ANKS6: variants seen among roughly 807,000 people sequenced by gnomAD.
The protein encoded by ANKS6 is ankyrin repeat and SAM domain-containing protein 6.
In ANKS6, 47 loss-of-function variants were observed where a neutral mutation model predicts 77.9. The ratio of observed to expected loss-of-function variants is 0.60; its 90% CI spans 0.48 to 0.77. The LOEUF (loss-of-function observed/expected upper bound fraction) is 0.77. ANKS6 is among the 30% of genes least tolerant of loss of function. The pLI, the probability that ANKS6 is intolerant of heterozygous loss-of-function variation, is 0.00. For missense variants in ANKS6, 1,150 were observed against 1,159.1 expected, an observed-to-expected ratio of 0.99 and a Z score of 0.11; for synonymous variants, 488 against 501.7, an observed-to-expected ratio of 0.97 and a Z score of 0.37.
At chr9:98,767,332 G>A (rs1203370802) in intron 11 of ANKS6, among the ~76,000 whole-genome samples, 6 of 152,034 alleles carry the variant, frequency 3.9e-5, no homozygotes, top group Non-Finnish European at 8.8e-5. Flanking sequence ...CAGAACAGTT[G>A]CACCAACACC....
intron 2 of ANKS6, among the ~76,000 whole-genome samples, chr9:98,789,607 T>C (rs1449522094): frequency 1.3e-5 from 2 of 152,180 alleles, no homozygotes; most frequent in Admixed American, 6.5e-5. Context: ...CTGCTTGTTT[T>C]TGTAGTTATA....
intron 11 of ANKS6, among the ~76,000 whole-genome samples, chr9:98,757,829 G>C (rs948313858): frequency 6.6e-6 from 1 of 152,136 alleles, no homozygotes; most frequent in East Asian, 1.9e-4. Context: ...TTGGGAGGCT[G>C]AGGCAGGAGA....
At chr9:98,737,856 A>T (rs1342185059) in intron 14 of ANKS6, among the ~76,000 whole-genome samples, 7 of 152,218 alleles carry the variant, frequency 4.6e-5, no homozygotes, top group Non-Finnish European at 2.9e-5. Context: ...ATAGTCACCA[A>T]AACAGCATGG....
At chr9:98,763,624 AG>A (rs1484119112) in intron 11 of ANKS6, among the ~76,000 whole-genome samples, 38 of 152,040 alleles carry the variant, frequency 2.5e-4, no homozygotes, top group African/African-American at 8.7e-4. Flanking sequence ...AAGAAATTAT[AG>A]ATAAGAGCAG....
At position 98,734,222 on chromosome 9, in the gene ANKS6, GA is replaced by G. The variant is rs1173804065; in HGVS notation, c.*2296del. The G allele has an allele frequency of 5.1e-6, 5 of 985,286 alleles. No individual in the cohort carries two copies. Among genetic ancestry groups the G allele is most frequent in the Non-Finnish European group, 6.0e-6 (5 of 829,948 alleles). 61.0% of individuals were successfully genotyped at this position (985,286 alleles called of 1,614,324 possible). ...TTGGACACTTGAGTCCAGTGAAAAA[GA>G]AAGGAAAGGCATTGTCTGGAGCCTC... On this transcript the variant is annotated 3_prime_UTR_variant, in exon 15 of 15. Coordinates refer to ENST00000353234, the MANE Select transcript of ANKS6 (RefSeq NM_173551.5).
intron 10 of ANKS6, 91 bp downstream of exon 10, chr9:98,770,805 G>A (rs1588379461): frequency 8.9e-6 from 11 of 1,240,126 alleles, no homozygotes; most frequent in Non-Finnish European, 1.1e-5. Flanking sequence ...TCATTTCTGC[G>A]ACTGTCTGCA....
chr9:98,764,426 A>AT (rs984287793), intron 11 of ANKS6, among the ~76,000 whole-genome samples: 5 of 152,010 alleles, frequency 3.3e-5, no homozygotes, highest in African/African-American at 1.2e-4. Context: ...ATTTCTTTTC[A>AT]TTTTTTAAGC....
Position 98,785,672 on chromosome 9 carries a change from G to A in ANKS6, c.863-796C>T, listed in dbSNP as rs1036217539. ...TCTGCTTGCTGGGGGGCTGAAGGCAGGCCTTCTGCAGCCTTTAATTGATCC... is the reference window on the plus strand; with the variant it reads ...TCTGCTTGCTGGGGGGCTGAAGGCAAGCCTTCTGCAGCCTTTAATTGATCC... On this transcript the variant is annotated intron_variant, in intron 2 of 14. Coordinates refer to ENST00000353234, the MANE Select transcript of ANKS6 (RefSeq NM_173551.5). Among the ~76,000 whole-genome samples, 4 of 152,158 alleles carry A rather than the reference G, an allele frequency of 2.6e-5. No homozygotes were observed. In the East Asian group the frequency reaches 5.8e-4, roughly 22 times the overall value.
chr9:98,783,366 G>C (rs1206859055), intron 4 of ANKS6, among the ~76,000 whole-genome samples: 1 of 152,156 alleles, frequency 6.6e-6, no homozygotes, highest in South Asian at 2.1e-4. Context: ...AGAGGGCAAG[G>C]AAAGAACCTC....
chr9:98,789,641 T>C (rs1256549041), intron 2 of ANKS6, among the ~76,000 whole-genome samples: 1 of 152,188 alleles, frequency 6.6e-6, no homozygotes, highest in Admixed American at 6.5e-5. Flanking sequence ...TAGCCATACC[T>C]GACTCATTTA....
At chr9:98,786,229 T>C (rs1217946014) in intron 2 of ANKS6, among the ~76,000 whole-genome samples, 2 of 152,046 alleles carry the variant, frequency 1.3e-5, no homozygotes, top group Non-Finnish European at 2.9e-5. Flanking sequence ...TCTGCTCGCC[T>C]TGGCCTCCCA....
At chr9:98,760,646 A>G (rs1316182922) in intron 11 of ANKS6, among the ~76,000 whole-genome samples, 3 of 152,142 alleles carry the variant, frequency 2.0e-5, no homozygotes, top group African/African-American at 4.8e-5. Flanking sequence ...GAATCACACA[A>G]TTTGTAGATT....
rs1831366081 is a variant in ANKS6, at chr9:98,734,242, G to C, written c.*2277C>G. The C allele has an allele frequency of 1.0e-6, 1 of 985,388 alleles. No individual in the cohort carries two copies. The highest frequency in any genetic ancestry group is 4.7e-5 in the South Asian group (1 of 21,290). The allele number at this position is 985,388 out of a possible 1,614,324, so 61.0% of individuals were successfully genotyped here. On this transcript the variant is annotated 3_prime_UTR_variant, in exon 15 of 15. Coordinates refer to ENST00000353234, the MANE Select transcript of ANKS6 (RefSeq NM_173551.5). ...AAAAAGAAAGGAAAGGCATTGTCTG[G>C]AGCCTCTGCTGTCCTGTCTGCAAAA...
In ANKS6 at chr9:98,796,427, G is replaced by A; in HGVS notation, c.65C>T (p.Thr22Met). Residue 22 changes from threonine to methionine, a missense_variant, in exon 1 of 15, where the codon ACG becomes ATG. Coordinates refer to ENST00000353234, the MANE Select transcript of ANKS6 (RefSeq NM_173551.5). ...LLLRACDQGD[T>M]ETARRLLEPG... ...CTCCAGCAGCCGCCGCGCCGTCTCCGTGTCGCCCTGGTCACACGCGCGCAG... is the reference window on the plus strand; with the variant it reads ...CTCCAGCAGCCGCCGCGCCGTCTCCATGTCGCCCTGGTCACACGCGCGCAG... The A allele has an allele frequency of 2.0e-6, 2 of 995,928 alleles. No homozygotes were observed. The highest frequency in any genetic ancestry group is 6.1e-5 in the Admixed American group (1 of 16,350). The allele number at this position is 995,928 out of a possible 1,614,324, so 61.7% of individuals were successfully genotyped here.
At chr9:98,776,049 G>C (rs929255902) in intron 8 of ANKS6, among the ~76,000 whole-genome samples, 1 of 152,144 alleles carries the variant, frequency 6.6e-6, no homozygotes, top group Non-Finnish European at 1.5e-5. Context: ...GCTAGTATTA[G>C]GGTCTTAGCG....
Position 98,739,898 on chromosome 9 carries a change from G to A in ANKS6, c.2512-3275C>T, listed in dbSNP as rs373527918. The stretch of plus-strand genomic sequence containing the variant: ...AGCCTCCCGAGTAGCTGGGACTACA[G>A]GCGCCCGCCACCTCACCCGGCTAAT... On this transcript the variant is annotated intron_variant, in intron 14 of 14. Transcript: ENST00000353234. Among the ~76,000 whole-genome samples the A allele has an allele frequency of 2.2e-4, 33 of 151,346 alleles. 1 individual carries two copies. The South Asian group carries it at 7.0e-3, about 32-fold the overall frequency.
Position 98,735,232 on chromosome 9 carries a change from C to A in ANKS6, c.*1287G>T. 1 of 986,822 alleles carries A rather than the reference C, an allele frequency of 1.0e-6. No homozygotes were observed. Among genetic ancestry groups the A allele is most frequent in the Non-Finnish European group, 1.2e-6 (1 of 830,954 alleles). The allele number at this position is 986,822 out of a possible 1,614,324, so 61.1% of individuals were successfully genotyped here. A position where few individuals can be genotyped will look rare whatever the true frequency, so the allele number is the denominator to read the frequency against. On this transcript the variant is annotated 3_prime_UTR_variant, in exon 15 of 15. Transcript: ENST00000353234. ...CTGAACTTTGAACCTGAGTCCAGAG[C>A]ACAAGGTCTGCCCACTCTACCATGC...
At chr9:98,773,585 T>C (rs921907935) in intron 9 of ANKS6, among the ~76,000 whole-genome samples, 1 of 152,172 alleles carries the variant, frequency 6.6e-6, no homozygotes, top group African/African-American at 2.4e-5. Context: ...AGTTTCCTCA[T>C]CTACTAAAAG....
At chr9:98,771,472 G>A (rs1265431790) in intron 9 of ANKS6, among the ~76,000 whole-genome samples, 2 of 152,112 alleles carry the variant, frequency 1.3e-5, no homozygotes, top group South Asian at 2.1e-4. Flanking sequence ...TGGTCCCTCA[G>A]CCTGAAATGG....
Sources: gnomAD v4.1 joint callset for allele counts (sites outside exome capture counted in the v4.1 genomes callset) on GRCh38, gnomAD v4.1.1 for gene constraint, MANE v1.5 for transcripts, NCBI Gene and HGNC (gene_info 2026-07-23, HGNC 2026-07-21) for gene names.